Variants in GRAMD1C observed in about 807,000 individuals in gnomAD.
GRAMD1C encodes GRAM domain containing 1C.
Under a neutral mutation model 97.8 loss-of-function variants are expected in GRAMD1C, and 89 were observed. The observed-to-expected ratio is 0.91, with a 90% CI of 0.77 to 1.09. The LOEUF is 1.09. GRAMD1C is among the 50% of genes least tolerant of loss of function. GRAMD1C has a pLI of 0.00. For missense variants in GRAMD1C, 740 were observed against 766.4 expected, an observed-to-expected ratio of 0.97 and a Z score of 0.41; for synonymous variants, 256 against 267.0, an observed-to-expected ratio of 0.96 and a Z score of 0.40.
chr3:113,904,082 A>G (rs1577186659), intron 7 of GRAMD1C, 58 bp from the exon 8 acceptor site: 18 of 1,391,684 alleles, frequency 1.3e-5, no homozygotes, highest in Middle Eastern at 1.8e-4. Context: ...TGAGGAGACC[A>G]AATCATTTAT....
intron 14 of GRAMD1C, 189 bp downstream of exon 14, chr3:113,936,631 G>A: frequency 2.2e-6 from 1 of 446,570 alleles, no homozygotes; most frequent in Non-Finnish European, 3.9e-6. Flanking sequence ...TTGCAAAATG[G>A]CAAGCATATA....
intron 6 of GRAMD1C, among the ~76,000 whole-genome samples, chr3:113,892,019 T>A (rs1296226879): frequency 6.6e-6 from 1 of 152,098 alleles, no homozygotes; most frequent in Non-Finnish European, 1.5e-5. Flanking sequence ...AAAGTAGATT[T>A]TTCATTAAAG....
intron 8 of GRAMD1C, among the ~76,000 whole-genome samples, chr3:113,906,629 C>T (rs1442126254): frequency 6.6e-6 from 1 of 151,138 alleles, no homozygotes; most frequent in South Asian, 2.1e-4. Flanking sequence ...GTAAGCTAAG[C>T]TTAATTTATT....
At chr3:113,892,885 C>T (rs1935792652) in intron 6 of GRAMD1C, among the ~76,000 whole-genome samples, 3 of 152,064 alleles carry the variant, frequency 2.0e-5, no homozygotes, top group South Asian at 4.2e-4. Context: ...TATACCAGAG[C>T]CAAGCACAGT....
chr3:113,923,478 C>A (rs368949561), intron 10 of GRAMD1C, among the ~76,000 whole-genome samples: 12 of 152,158 alleles, frequency 7.9e-5, no homozygotes, highest in African/African-American at 2.9e-4. Context: ...TTAACATGAA[C>A]AGATGTTGAA....
chr3:113,848,328 C>A (rs1443761315), intron 2 of GRAMD1C, among the ~76,000 whole-genome samples: 1 of 152,090 alleles, frequency 6.6e-6, no homozygotes, highest in Non-Finnish European at 1.5e-5. Context: ...CAGTAGTAAC[C>A]TCATGCTGTT....
At chr3:113,915,917 A>G (rs1159011597) in intron 10 of GRAMD1C, 79 bp downstream of exon 10, 1 of 1,100,838 alleles carries the variant, frequency 9.1e-7, no homozygotes, top group Non-Finnish European at 1.4e-6. Context: ...ATATAAACTG[A>G]TTTATGTTGT....
chr3:113,907,909 A>G (rs1936427099), intron 8 of GRAMD1C, among the ~76,000 whole-genome samples: 1 of 152,224 alleles, frequency 6.6e-6, no homozygotes, highest in African/African-American at 2.4e-5. Context: ...GGTTTAGCTA[A>G]ATAGGCACGT....
rs141333816 is a variant in GRAMD1C, at chr3:113,829,742, G to A, written n.98+1463G>A. Among the ~76,000 whole-genome samples the A allele has an allele frequency of 2.7e-3, 416 of 152,098 alleles. 1 individual carries two copies. Among genetic ancestry groups the A allele is most frequent in the African/African-American group, 9.5e-3 (396 of 41,466 alleles). ...AATATATCAGTGTACAAAGTCATAC[G>A]TCACTTAACAACTGGGATATGTTCT... On this transcript the variant is annotated intron_variant and non_coding_transcript_variant, in intron 1 of 18. Transcript: ENST00000479212.
chr3:113,871,811 T>G (rs7628729), intron 3 of GRAMD1C, among the ~76,000 whole-genome samples: 1 of 147,104 alleles, frequency 6.8e-6, no homozygotes, highest in Non-Finnish European at 1.5e-5. Flanking sequence ...CATGGTGGCA[T>G]GCACCTGTAG....
In GRAMD1C at chr3:113,946,604, G is replaced by A. The variant is rs1365381527; in HGVS notation, c.*1126G>A. The stretch of plus-strand genomic sequence containing the variant: ...GATATTTTTTCAAGAGTTAGGGAAA[G>A]TTGAAGTGTTTTACTGTTTTGTCTC... On this transcript the variant is annotated 3_prime_UTR_variant, in exon 18 of 18. Coordinates refer to ENST00000358160, the MANE Select transcript of GRAMD1C (RefSeq NM_017577.5). 2 of 152,224 alleles carry A rather than the reference G, an allele frequency of 1.3e-5. No homozygotes were observed. Among genetic ancestry groups the A allele is most frequent in the African/African-American group, 2.4e-5 (1 of 41,458 alleles). 9.4% of individuals were successfully genotyped at this position (152,224 alleles called of 1,614,324 possible). A position where few individuals can be genotyped will look rare whatever the true frequency, so the allele number is the denominator to read the frequency against.
intron 5 of GRAMD1C, among the ~76,000 whole-genome samples, chr3:113,881,499 G>T (rs1340628703): frequency 2.6e-5 from 4 of 152,220 alleles, no homozygotes; most frequent in Non-Finnish European, 4.4e-5. Context: ...TGGATATCTA[G>T]CAAGGAATAA....
chr3:113,915,727 G>T lies in GRAMD1C; in HGVS notation c.979G>T (p.Gly327Ter). The T allele has an allele frequency of 6.2e-7, 1 of 1,609,612 alleles. No individual in the cohort carries two copies. Among genetic ancestry groups the T allele is most frequent in the Non-Finnish European group, 8.5e-7 (1 of 1,176,794 alleles). Residue 327 changes from glycine (G) to a stop codon, truncating the protein, a stop_gained, in exon 10 of 18, where the codon GGA becomes TGA. Coordinates refer to ENST00000358160, the MANE Select transcript of GRAMD1C (RefSeq NM_017577.5). LOFTEE classifies it high-confidence loss of function. ...EENVPEKDLH[G>*]RLFINRIFHI... ...AAATGTTCCTGAGAAAGATCTTCAT[G>T]GAAGACTTTTTATCAACCGTATTTT...
intron 6 of GRAMD1C, chr3:113,885,308 C>T (rs371319847): frequency 6.4e-7 from 1 of 1,563,102 alleles, no homozygotes; most frequent in Non-Finnish European, 8.8e-7. Flanking sequence ...ATGGTGCGGA[C>T]GCAGTGTCTG....
At position 113,901,143 on chromosome 3, in the gene GRAMD1C, C is replaced by T; in HGVS notation, c.653C>T (p.Pro218Leu). The T allele has an allele frequency of 1.4e-6, 2 of 1,473,510 alleles. No homozygotes were observed. The allele number at this position is 1,473,510 out of a possible 1,614,324, so 91.3% of individuals were successfully genotyped here. A position where few individuals can be genotyped will look rare whatever the true frequency, so the allele number is the denominator to read the frequency against. The stretch of plus-strand genomic sequence containing the variant: ...TCACTGTCGATTGAGGATGTGCAGC[C>T]AAGGTACAGCAAAATGTTTTGAAAT... ...NLSLSIEDVQ[P>L]RSPGRSSLDD... Residue 218 changes from proline (P) to leucine (L), a missense_variant, in exon 7 of 18, where the codon CCA becomes CTA. Pro to Leu is a moderately conservative substitution (Grantham distance 98, BLOSUM62 -3). Transcript: ENST00000358160.
chr3:113,882,027 G>C (rs568247286), intron 5 of GRAMD1C, among the ~76,000 whole-genome samples: 1 of 152,112 alleles, frequency 6.6e-6, no homozygotes, highest in East Asian at 1.9e-4. Flanking sequence ...TAACTGCTGA[G>C]CCATGAAAGG....
At chr3:113,911,234 AT>A (rs879553375) in intron 9 of GRAMD1C, among the ~76,000 whole-genome samples, 179 of 142,638 alleles carry the variant, frequency 1.3e-3, no homozygotes, top group Middle Eastern at 3.6e-3. Flanking sequence ...ACTCTCTGGT[AT>A]TTTTTTTTTT....
chr3:113,885,495 G>A, intron 6 of GRAMD1C: 1 of 1,606,472 alleles, frequency 6.2e-7, no homozygotes, highest in Admixed American at 1.7e-5. Context: ...TCCTGGTGCT[G>A]GATCTGGATG....
intron 2 of GRAMD1C, among the ~76,000 whole-genome samples, chr3:113,849,313 TA>T (rs1933756720): frequency 6.6e-6 from 1 of 151,018 alleles, no homozygotes; most frequent in Non-Finnish European, 1.5e-5. Flanking sequence ...ATTTATTTTT[TA>T]TTGATCATTC....
Sources: allele counts gnomAD v4.1 joint callset (sites outside exome capture counted in the v4.1 genomes callset), GRCh38; gene constraint gnomAD v4.1.1; transcripts MANE v1.5; gene names NCBI Gene and HGNC (gene_info 2026-07-23, HGNC 2026-07-21).